SLC26A11: variants seen among roughly 807,000 people sequenced by gnomAD.
SLC26A11 encodes sodium-independent sulfate anion transporter.
A neutral mutation model predicts 62.2 loss-of-function variants in SLC26A11; 58 were observed. The ratio of observed to expected loss-of-function variants is 0.93; its 90% CI spans 0.76 to 1.16. The LOEUF (loss-of-function observed/expected upper bound fraction) is 1.16. SLC26A11 is among the 50% of genes most tolerant of loss of function. The pLI is 0.00. For synonymous variants in SLC26A11, 411 were observed against 368.9 expected, an observed-to-expected ratio of 1.11 and a Z score of -1.31; for missense variants, 790 against 794.3, an observed-to-expected ratio of 0.99 and a Z score of 0.06.
rs2043196737 is a variant in SLC26A11 at position 80,253,423 on chromosome 17, T to G, written c.*707T>G. On this transcript the variant is annotated 3_prime_UTR_variant, in exon 18 of 18. Transcript: ENST00000361193. ...ATAAATGGGATCATTTTATACATGGTGCTCTGGAACCCACATTTTTCATGC... is the reference window on the plus strand; with the variant it reads ...ATAAATGGGATCATTTTATACATGGGGCTCTGGAACCCACATTTTTCATGC... 1 of 152,240 alleles carries G rather than the reference T, an allele frequency of 6.6e-6. No individual in the cohort carries two copies. The highest frequency in any genetic ancestry group is 2.4e-5 in the African/African-American group (1 of 41,468). The allele number at this position is 152,240 out of a possible 1,614,324, so 9.4% of individuals were successfully genotyped here.
At chr17:80,230,174 A>G (rs141091927) in intron 7 of SLC26A11, among the ~76,000 whole-genome samples, 7,355 of 148,426 alleles carry the variant, frequency 0.05, 230 homozygotes, top group Non-Finnish European at 0.07. Context: ...CAGCCTGGCA[A>G]CAGAGCGAGA....
intron 13 of SLC26A11, among the ~76,000 whole-genome samples, chr17:80,247,352 G>A (rs1476745035): frequency 6.6e-6 from 1 of 152,158 alleles, no homozygotes; most frequent in African/African-American, 2.4e-5. Context: ...TCAATGAGCT[G>A]TTGGGTACAC....
In SLC26A11 at chr17:80,241,670, T is replaced by C. The variant is rs566062643; in HGVS notation, c.986-101T>C. The C allele has an allele frequency of 1.2e-5, 15 of 1,209,578 alleles. No homozygotes were observed. In the East Asian group the frequency reaches 1.9e-4, roughly 15 times the overall value. 74.9% of individuals were successfully genotyped at this position (1,209,578 alleles called of 1,614,324 possible). A position where few individuals can be genotyped will look rare whatever the true frequency, so the allele number is the denominator to read the frequency against. On this transcript the variant is annotated intron_variant, in intron 9 of 17. Coordinates refer to ENST00000361193, the MANE Select transcript of SLC26A11 (RefSeq NM_001166347.2). ...TGTATTCTTAGATTTACAAAACTTA[T>C]TGCCGTGTGTAGAAATTCATAATCT...
chr17:80,236,916 C>T lies in SLC26A11; in HGVS notation c.737-12C>T, dbSNP rs1373632955. On this transcript the variant is annotated splice_polypyrimidine_tract_variant and intron_variant, in intron 7 of 17. Transcript: ENST00000361193. The stretch of plus-strand genomic sequence containing the variant: ...GAGCAGGGTCTCGGACGCACCTCTC[C>T]TTCTCTCCTAGCTCGCAACGCCCTG... 1.2e-6 allele frequency: 2 copies of T among 1,602,456 alleles called. No individual in the cohort carries two copies. The highest frequency in any genetic ancestry group is 1.1e-5 in the South Asian group (1 of 90,834).
At chr17:80,226,107 G>T (rs997183045) in intron 6 of SLC26A11, among the ~76,000 whole-genome samples, 191 bp downstream of exon 6, 1 of 152,126 alleles carries the variant, frequency 6.6e-6, no homozygotes, top group African/African-American at 2.4e-5. Flanking sequence ...CCCTATCAGA[G>T]CCACAGTTTT....
chr17:80,227,793 T>C (rs780715084), intron 6 of SLC26A11, 25 bp from the exon 7 acceptor site: 9 of 1,600,862 alleles, frequency 5.6e-6, no homozygotes, highest in Non-Finnish European at 6.8e-6. Flanking sequence ...AGCTGGGTGG[T>C]GACCAGTCCT....
intron 14 of SLC26A11, 117 bp downstream of exon 14, chr17:80,248,374 T>C: frequency 7.1e-7 from 1 of 1,414,824 alleles, no homozygotes; most frequent in East Asian, 2.5e-5. Flanking sequence ...AGGGGACCGC[T>C]CGCTGGCAGG....
chr17:80,241,902 T>C (rs2042875289), intron 10 of SLC26A11, 81 bp downstream of exon 10: 1 of 1,453,632 alleles, frequency 6.9e-7, no homozygotes, highest in East Asian at 2.3e-5. Context: ...TCTCCTGCAT[T>C]GTAGGAAGAC....
chr17:80,241,524 T>A (rs190799576), intron 9 of SLC26A11, among the ~76,000 whole-genome samples: 12 of 152,296 alleles, frequency 7.9e-5, no homozygotes, highest in Admixed American at 7.8e-4. Flanking sequence ...CCTCTAAAAG[T>A]GCTGCGATTA....
At chr17:80,226,025 TC>T in intron 6 of SLC26A11, 109 bp downstream of exon 6, 1 of 953,046 alleles carries the variant, frequency 1.0e-6, no homozygotes, top group South Asian at 1.5e-5. Flanking sequence ...CAAACAGGGG[TC>T]CCCAGAGCAG....
chr17:80,221,449 A>G, intron 2 of SLC26A11, 99 bp from the exon 3 acceptor site: 2 of 831,212 alleles, frequency 2.4e-6, no homozygotes, highest in African/African-American at 1.7e-5. Flanking sequence ...GGGGAGACCC[A>G]TAGTGACCTC....
At position 80,229,440 on chromosome 17, in the gene SLC26A11, G is replaced by GTT. The variant is rs760343908; in HGVS notation, c.736+1487_736+1488dup. 5.6e-3 allele frequency among the ~76,000 whole-genome samples: 848 copies of GTT among 151,640 alleles called. 11 individuals are homozygous for GTT. Among genetic ancestry groups the GTT allele is most frequent in the African/African-American group, 0.02 (816 of 41,290 alleles). On this transcript the variant is annotated intron_variant, in intron 7 of 17. Coordinates refer to ENST00000361193, the MANE Select transcript of SLC26A11 (RefSeq NM_001166347.2). Reference sequence around the variant, plus strand: ...TATCTTTGTTATCTTTTGTTTTTTGGTTTTTTTTGGAGACGGTGTCTCACT... The same window carrying GTT: ...TATCTTTGTTATCTTTTGTTTTTTGGTTTTTTTTTTGGAGACGGTGTCTCACT...
rs777532950 is a variant in SLC26A11, at chr17:80,246,483, G to A, written c.1154-26G>A. ...GCTGGGGGGACCCTGCACTCCCGAG[G>A]TCACCTGTGTTCCCGTGCCCCGCAG... On this transcript the variant is annotated intron_variant, in intron 12 of 17. Transcript: ENST00000361193. The surrounding 1 kb of genome is among the most constrained non-coding windows in gnomAD (Gnocchi z 4.4). The A allele has an allele frequency of 4.4e-6, 7 of 1,606,358 alleles. No homozygotes were observed. Among genetic ancestry groups the A allele is most frequent in the Middle Eastern group, 1.7e-4 (1 of 6,060 alleles).
chr17:80,240,029 C>T (rs574817843), intron 9 of SLC26A11, among the ~76,000 whole-genome samples: 1 of 152,238 alleles, frequency 6.6e-6, no homozygotes, highest in Admixed American at 6.5e-5. Context: ...CCTAAAATAT[C>T]GACAAGTTGG....
In SLC26A11 at chr17:80,246,215, GCCCCCCATCTT is replaced by G. The variant is rs754827712; in HGVS notation, c.1153+11_1153+21del. 1 of 1,609,044 alleles carries G rather than the reference GCCCCCCATCTT, an allele frequency of 6.2e-7. No individual in the cohort carries two copies. ...GGCGGGGGGCCTGGTGACGGGTAAGGCCCCCCATCTTCCCCTTGTGCCCGCAGCCCTGAGAG... is the reference window on the plus strand; with the variant it reads ...GGCGGGGGGCCTGGTGACGGGTAAGGCCCCTTGTGCCCGCAGCCCTGAGAG... On this transcript the variant is annotated splice_region_variant and intron_variant, in intron 12 of 17. Coordinates refer to ENST00000361193, the MANE Select transcript of SLC26A11 (RefSeq NM_001166347.2). The surrounding 1 kb of genome is among the most constrained non-coding windows in gnomAD (Gnocchi z 4.4).
chr17:80,244,162 C>T (rs1043421797), intron 10 of SLC26A11, among the ~76,000 whole-genome samples: 19 of 152,204 alleles, frequency 1.2e-4, no homozygotes, highest in African/African-American at 3.4e-4. Flanking sequence ...TGGGTCTTAG[C>T]GAGCAGGAGG....
intron 5 of SLC26A11, among the ~76,000 whole-genome samples, chr17:80,224,184 T>A (rs28699082): frequency 6.3e-5 from 6 of 94,742 alleles, no homozygotes; most frequent in South Asian, 3.2e-4. Context: ...TGTGTGAGAG[T>A]GTGTATGAGT....
rs760467630 is a variant in SLC26A11 at position 80,245,267 on chromosome 17, T to C, written c.1097+11T>C. The C allele has an allele frequency of 1.2e-6, 2 of 1,613,650 alleles. No individual in the cohort carries two copies. Among genetic ancestry groups the C allele is most frequent in the Non-Finnish European group, 1.7e-6 (2 of 1,179,664 alleles). On this transcript the variant is annotated intron_variant, in intron 11 of 17. Coordinates refer to ENST00000361193, the MANE Select transcript of SLC26A11 (RefSeq NM_001166347.2). ...AGGCAGCTTTGGACGGTGAGTGACCTGTCCGCCTCTTCTGTTTGCCCACGT... is the reference window on the plus strand; with the variant it reads ...AGGCAGCTTTGGACGGTGAGTGACCCGTCCGCCTCTTCTGTTTGCCCACGT...
intron 7 of SLC26A11, among the ~76,000 whole-genome samples, chr17:80,233,952 A>G (rs1477432217): frequency 1.1e-4 from 16 of 151,972 alleles, no homozygotes; most frequent in Admixed American, 1.0e-3. Flanking sequence ...TTTGCTGGTT[A>G]TAGAATTCTA....
Sources: allele counts gnomAD v4.1 joint callset (sites outside exome capture counted in the v4.1 genomes callset), GRCh38; gene constraint gnomAD v4.1.1; non-coding constraint Gnocchi (gnomAD v3.1); transcripts MANE v1.5; gene names NCBI Gene and HGNC (gene_info 2026-07-23, HGNC 2026-07-21).